Variants in NLRC3 observed in about 807,000 individuals in gnomAD.
NLRC3 encodes NLR family CARD domain containing 3, also known as NLR family CARD domain-containing protein 3.
Under a neutral mutation model 91.6 loss-of-function variants are expected in NLRC3, and 87 were observed. The ratio of observed to expected loss-of-function variants is 0.95; its 90% CI spans 0.80 to 1.14. The LOEUF (loss-of-function observed/expected upper bound fraction) is 1.14, where lower values mean the gene tolerates loss of function less well. Among genes scored for constraint, NLRC3 ranks in the 50% most tolerant of loss-of-function variants. The probability of loss-of-function intolerance (pLI) is 0.00; values close to 1 mark genes in which losing one functional copy is unlikely to be tolerated. For synonymous variants in NLRC3, 694 were observed against 625.3 expected (o/e 1.11, Z -1.64); for missense variants, 1,577 against 1,418.6 (o/e 1.11, Z -1.79).
rs185954552 is a variant in NLRC3 at position 3,574,451 on chromosome 16, G to A, written c.-169+2698C>T. ...CGAGCGGGGCTGGGAGAGGAATGAGGGAGGGACAGTGCTGGCAGGAGTGAG... is the reference window on the plus strand; with the variant it reads ...CGAGCGGGGCTGGGAGAGGAATGAGAGAGGGACAGTGCTGGCAGGAGTGAG... On this transcript the variant is annotated intron_variant, in intron 1 of 19. Transcript: ENST00000359128. Among the ~76,000 whole-genome samples the A allele has an allele frequency of 4.9e-4, 75 of 152,234 alleles. 1 individual carries two copies. The highest frequency in any genetic ancestry group is 1.8e-3 in the African/African-American group (74 of 41,526).
At position 3,556,996 on chromosome 16, in the gene NLRC3, T is replaced by C. The variant is rs753786034; in HGVS notation, c.2100-2A>G. On this transcript the variant is annotated splice_acceptor_variant, in intron 7 of 19. Transcript: ENST00000359128. LOFTEE classifies it high-confidence loss of function. ...GGTCCAATGGAGTTACCGCGGAGGCTGAAGGAAGAGAGAAAGAGACACCTC... is the reference window on the plus strand; with the variant it reads ...GGTCCAATGGAGTTACCGCGGAGGCCGAAGGAAGAGAGAAAGAGACACCTC... 1.2e-6 allele frequency: 2 copies of C among 1,610,452 alleles called. No homozygotes were observed. The highest frequency in any genetic ancestry group is 2.2e-5 in the South Asian group (2 of 90,968).
chr16:3,548,283 A>G, intron 14 of NLRC3, 65 bp from the exon 15 acceptor site: 1 of 1,286,018 alleles, frequency 7.8e-7, no homozygotes, highest in Non-Finnish European at 1.1e-6. Context: ...GGCAGAGCCA[A>G]GGAGGCTCTG....
Position 3,564,901 on chromosome 16 carries a change from G to A in NLRC3, c.136C>T (p.Leu46=). The A allele has an allele frequency of 1.2e-6, 2 of 1,609,840 alleles. No homozygotes were observed. Among genetic ancestry groups the A allele is most frequent in the Non-Finnish European group, 1.7e-6 (2 of 1,179,646 alleles). ...AGCGGGGCATCCGGTGTCCTATCCAGGGCCTGCGGGGCCTGGGAGCCTTGA... is the reference window on the plus strand; with the variant it reads ...AGCGGGGCATCCGGTGTCCTATCCAAGGCCTGCGGGGCCTGGGAGCCTTGA... ...GSQGSQAPQA[L]DRTPDAPLGP... The change falls in exon 4 of 20, where the codon CTG becomes TTG. Residue 46 remains leucine, a synonymous_variant. Coordinates refer to ENST00000359128, the MANE Select transcript of NLRC3 (RefSeq NM_178844.4). This position sits in a 1 kb window ranked among gnomAD's most constrained non-coding sequence, Gnocchi z 5.9.
chr16:3,550,595 G>C, intron 10 of NLRC3, 98 bp from the exon 11 acceptor site: 2 of 855,860 alleles, frequency 2.3e-6, no homozygotes, highest in Non-Finnish European at 3.9e-6. Context: ...GGGAGGGCTG[G>C]CTCTGTTGTC....
chr16:3,549,999 C>T (rs1229692881), intron 11 of NLRC3, among the ~76,000 whole-genome samples: 2 of 152,120 alleles, frequency 1.3e-5, no homozygotes, highest in African/African-American at 2.4e-5. Context: ...CACAACAAAC[C>T]CCCAAATGTA....
At chr16:3,551,746 T>TCCATTGAC (rs1555440794) in intron 10 of NLRC3, among the ~76,000 whole-genome samples, 1 of 22,498 alleles carries the variant, frequency 4.4e-5, no homozygotes, top group South Asian at 1.7e-3. Context: ...CATCCATCCA[T>TCCATTGAC]CCATTCACCA....
chr16:3,550,448 C>T lies in NLRC3; in HGVS notation c.2401G>A (p.Ala801Thr), dbSNP rs767176921. 1.9e-6 allele frequency: 3 copies of T among 1,613,540 alleles called. No homozygotes were observed. Among genetic ancestry groups the T allele is most frequent in the Admixed American group, 3.3e-5 (2 of 60,010 alleles). Residue 801 changes from alanine to threonine, a missense_variant, in exon 11 of 20, where the codon GCC becomes ACC. Transcript: ENST00000359128. ...TCCAGGCCCTGGTTCACCTTCAGGG[C>T]CTCAGCCAGGGCCTTGGCACCTCCA... Reference protein sequence around the residue: ...GDGGAKALAEALKVNQGLESL... With the variant: ...GDGGAKALAETLKVNQGLESL...
intron 5 of NLRC3, chr16:3,562,767 A>C: frequency 1.7e-6 from 1 of 601,096 alleles, no homozygotes; most frequent in Non-Finnish European, 3.0e-6. Context: ...GCTAGAGAGG[A>C]AGGAAAGAAC....
At chr16:3,544,615 CT>C (rs1343239638) in intron 15 of NLRC3, 1 of 390,836 alleles carries the variant, frequency 2.6e-6, no homozygotes, top group Non-Finnish European at 4.7e-6. Context: ...AAAGGGGATG[CT>C]TTTCACAGCC....
chr16:3,559,927 GCCACC>G (rs1457184466), intron 6 of NLRC3, among the ~76,000 whole-genome samples: 21 of 152,206 alleles, frequency 1.4e-4, no homozygotes, highest in African/African-American at 4.8e-4. Flanking sequence ...AAAGGCATGA[GCCACC>G]GCCCCTGGCC....
rs950705557 is a variant in NLRC3 at position 3,563,850 on chromosome 16, G to A, written c.1087C>T (p.Leu363Phe). ...ELWPPRTLCE[L>F]YSWYFRMALS... is the part of the protein sequence containing the mutation. ...GCCATCCTAAAGTACCATGAGTAGA[G>A]CTCGCACAGGGTCCTCGGGGGCCAC... Residue 363 changes from leucine to phenylalanine, a missense_variant, in exon 5 of 20, where the codon CTC becomes TTC. Transcript: ENST00000359128. 6.2e-6 allele frequency: 10 copies of A among 1,606,252 alleles called. No individual in the cohort carries two copies. The highest frequency in any genetic ancestry group is 8.5e-6 in the Non-Finnish European group (10 of 1,175,942).
chr16:3,543,694 C>A (rs2038533128), intron 16 of NLRC3, 186 bp from the exon 17 acceptor site: 3 of 592,816 alleles, frequency 5.1e-6, no homozygotes, highest in African/African-American at 1.9e-5. Context: ...AGACAGAGAT[C>A]TGGATGCTAA....
intron 11 of NLRC3, among the ~76,000 whole-genome samples, chr16:3,550,186 T>C (rs1299085185): frequency 6.6e-6 from 1 of 152,118 alleles, no homozygotes; most frequent in Non-Finnish European, 1.5e-5. Context: ...TGCTGGCTTC[T>C]CAAGGACACT....
At position 3,539,079 on chromosome 16, in the gene NLRC3, G is replaced by C. The variant is rs1366887201; in HGVS notation, c.*2746C>G. 2 of 152,198 alleles carry C rather than the reference G, an allele frequency of 1.3e-5. No homozygotes were observed. The highest frequency in any genetic ancestry group is 2.9e-5 in the Non-Finnish European group (2 of 68,038). 9.4% of individuals were successfully genotyped at this position (152,198 alleles called of 1,614,324 possible). On this transcript the variant is annotated 3_prime_UTR_variant, in exon 20 of 20. Coordinates refer to ENST00000359128, the MANE Select transcript of NLRC3 (RefSeq NM_178844.4). ...ATTGGTAGTAGTTATCAAGAACAAA[G>C]TCCTCGGACTTCTGATGGGAAATCT...
In NLRC3 at chr16:3,577,163, T is replaced by C. The variant is rs1446112755; in HGVS notation, c.-183A>G. ...ACCCAACTTACCTCCCGGGCCTCGA[T>C]GCTGCTCCAGGGACAGCAAGACTGG... is the stretch of plus-strand genomic sequence containing the variant. On this transcript the variant is annotated 5_prime_UTR_variant, in exon 1 of 20. Coordinates refer to ENST00000359128, the MANE Select transcript of NLRC3 (RefSeq NM_178844.4). 4 of 703,008 alleles carry C rather than the reference T, an allele frequency of 5.7e-6. No individual in the cohort carries two copies. Among genetic ancestry groups the C allele is most frequent in the Non-Finnish European group, 1.0e-5 (4 of 384,984 alleles). 43.5% of individuals were successfully genotyped at this position (703,008 alleles called of 1,614,324 possible). A position where few individuals can be genotyped will look rare whatever the true frequency, so the allele number is the denominator to read the frequency against.
chr16:3,550,600 G>A lies in NLRC3; in HGVS notation c.2352-103C>T, dbSNP rs879094802. On this transcript the variant is annotated intron_variant, in intron 10 of 19. Transcript: ENST00000359128. ...AAGCCCTCCTGGGAGGGCTGGCTCTGTTGTCTCAAGGGTGGCCAGTGCACA... is the reference window on the plus strand; with the variant it reads ...AAGCCCTCCTGGGAGGGCTGGCTCTATTGTCTCAAGGGTGGCCAGTGCACA... 5.2e-5 allele frequency: 42 copies of A among 812,236 alleles called. No individual in the cohort carries two copies. The South Asian group carries it at 5.6e-4, about 11-fold the overall frequency. The allele number at this position is 812,236 out of a possible 1,614,324, so 50.3% of individuals were successfully genotyped here.
rs1392985175 is a variant in NLRC3 at position 3,563,613 on chromosome 16, C to T, written c.1324G>A (p.Glu442Lys). The change falls in exon 5 of 20, where the codon GAG (glutamate) becomes AAG (lysine). Residue 442 changes from glutamate to lysine, a missense_variant. Glu to Lys is a moderately conservative substitution (Grantham distance 56). Transcript: ENST00000359128. ...GCCACTGACGATGCCAACGTCTCCT[C>T]TCTCTGCAGGAAGCAGCTGCACGGG... ...GAPCSCFLQR[E>K]ETLASSVAYC... 2.5e-6 allele frequency: 4 copies of T among 1,613,426 alleles called. No individual in the cohort carries two copies. Among genetic ancestry groups the T allele is most frequent in the East Asian group, 2.2e-5 (1 of 44,874 alleles).
Position 3,548,994 on chromosome 16 carries a change from A to C in NLRC3, c.2603+148T>G, listed in dbSNP as rs1417102072. ...ACACTATGAGAGTGGGGGACTTGCC[A>C]CCCGATGTCAGGTCTCCTGGCTGCA... On this transcript the variant is annotated intron_variant, in intron 13 of 19. Coordinates refer to ENST00000359128, the MANE Select transcript of NLRC3 (RefSeq NM_178844.4). 3 of 692,544 alleles carry C rather than the reference A, an allele frequency of 4.3e-6. No individual in the cohort carries two copies. The African/African-American group carries it at 5.4e-5, about 12-fold the overall frequency. 42.9% of individuals were successfully genotyped at this position (692,544 alleles called of 1,614,324 possible).
chr16:3,555,702 A>G (rs767718012), intron 8 of NLRC3: 2 of 150,484 alleles, frequency 1.3e-5, no homozygotes, highest in Non-Finnish European at 3.0e-5. Flanking sequence ...AGCTAGGACC[A>G]CAGGCACCTG....
Sources: allele counts gnomAD v4.1 joint callset (sites outside exome capture counted in the v4.1 genomes callset), GRCh38; gene constraint gnomAD v4.1.1; non-coding constraint Gnocchi (gnomAD v3.1); transcripts MANE v1.5; gene names NCBI Gene and HGNC (gene_info 2026-07-23, HGNC 2026-07-21).